The following KRTAP24-1 variants were observed in gnomAD, a reference collection of about 807,000 sequenced individuals.
KRTAP24-1 encodes keratin-associated protein 24-1.
For missense variants in KRTAP24-1, 344 were observed against 303.2 expected (o/e 1.13, Z -1.00); for synonymous variants, 133 against 116.3 (o/e 1.14, Z -0.92).
rs964990979 is a variant in KRTAP24-1 at position 30,282,052 on chromosome 21, A to G, written c.*116T>C. On this transcript the variant is annotated 3_prime_UTR_variant, in exon 1 of 1. Coordinates refer to ENST00000340345, the MANE Select transcript of KRTAP24-1 (RefSeq NM_001085455.3). ...AACCTGGGAGTTGTATTTGAACTTA[A>G]TGTAACAAGATTCTTAGGCTGAATA... is the stretch of plus-strand genomic sequence containing the variant. 3.4e-5 allele frequency: 36 copies of G among 1,065,132 alleles called. No individual in the cohort carries two copies. The highest frequency in any genetic ancestry group is 2.9e-4 in the Middle Eastern group (1 of 3,392). 66.0% of individuals were successfully genotyped at this position (1,065,132 alleles called of 1,614,324 possible). A position where few individuals can be genotyped will look rare whatever the true frequency, so the allele number is the denominator to read the frequency against.
rs1167096617 is a variant in KRTAP24-1, at chr21:30,282,051, A to G, written c.*117T>C. ...AAACCTGGGAGTTGTATTTGAACTT[A>G]ATGTAACAAGATTCTTAGGCTGAAT... On this transcript the variant is annotated 3_prime_UTR_variant, in exon 1 of 1. Transcript: ENST00000340345. The G allele has an allele frequency of 9.5e-7, 1 of 1,057,630 alleles. No homozygotes were observed. Among genetic ancestry groups the G allele is most frequent in the African/African-American group, 1.6e-5 (1 of 62,798 alleles). 65.5% of individuals were successfully genotyped at this position (1,057,630 alleles called of 1,614,324 possible).
Position 30,282,542 on chromosome 21 carries a change from A to T in KRTAP24-1, c.391T>A (p.Cys131Ser), listed in dbSNP as rs1302337464. Residue 131 changes from cysteine (C) to serine (S), a missense_variant, in exon 1 of 1, where the codon TGC becomes AGC. Coordinates refer to ENST00000340345, the MANE Select transcript of KRTAP24-1 (RefSeq NM_001085455.3). Reference sequence around the variant, plus strand: ...GATGCATTTCGAGTGGGTATGTGGCAATTGCATACATACCCATTGGTCTGG... The same window carrying T: ...GATGCATTTCGAGTGGGTATGTGGCTATTGCATACATACCCATTGGTCTGG... The part of the protein sequence containing the change: ...STQTNGYVCN[C>S]HIPTRNASKA... The T allele has an allele frequency of 5.0e-6, 8 of 1,609,574 alleles. No homozygotes were observed. Among genetic ancestry groups the T allele is most frequent in the Non-Finnish European group, 6.8e-6 (8 of 1,177,686 alleles).
Position 30,281,816 on chromosome 21 carries a change from G to C in KRTAP24-1, c.*352C>G, listed in dbSNP as rs2832752. ...GGCCCCATTTCATCAGGAAAGGTAG[G>C]TGATAATCACACTGTCAGACAAGTG... On this transcript the variant is annotated 3_prime_UTR_variant, in exon 1 of 1. Transcript: ENST00000340345. The C allele has an allele frequency of 0.097, 19,166 of 197,780 alleles. 1,420 individuals carry two copies. Among genetic ancestry groups the C allele is most frequent in the African/African-American group, 0.2 (8,513 of 42,764 alleles). The allele number at this position is 197,780 out of a possible 1,614,324, so 12.3% of individuals were successfully genotyped here.
Position 30,282,056 on chromosome 21 carries a change from A to T in KRTAP24-1, c.*112T>A, listed in dbSNP as rs1980717980. On this transcript the variant is annotated 3_prime_UTR_variant, in exon 1 of 1. Transcript: ENST00000340345. ...TGGGAGTTGTATTTGAACTTAATGTAACAAGATTCTTAGGCTGAATAAAGA... is the reference window on the plus strand; with the variant it reads ...TGGGAGTTGTATTTGAACTTAATGTTACAAGATTCTTAGGCTGAATAAAGA... 1 of 1,107,118 alleles carries T rather than the reference A, an allele frequency of 9.0e-7. No homozygotes were observed. 68.6% of individuals were successfully genotyped at this position (1,107,118 alleles called of 1,614,324 possible).
Position 30,282,351 on chromosome 21 carries a change from A to C in KRTAP24-1, c.582T>G (p.Ile194Met), listed in dbSNP as rs1339560895. ...IPSYVSPLCY[I>M]SNSCQPQSYL... ...AGCTTTGGGGTTGGCAGCTGTTGGA[A>C]ATATAACATAATGGTGAGACGTAGC... The change falls in exon 1 of 1, where the codon ATT (isoleucine) becomes ATG (methionine). Residue 194 changes from isoleucine to methionine, a missense_variant. Physicochemically the swap from Ile to Met is conservative, Grantham distance 10 (BLOSUM62 1). Coordinates refer to ENST00000340345, the MANE Select transcript of KRTAP24-1 (RefSeq NM_001085455.3). 6.2e-7 allele frequency: 1 copy of C among 1,614,150 alleles called. No individual in the cohort carries two copies. Among genetic ancestry groups the C allele is most frequent in the Admixed American group, 1.7e-5 (1 of 60,018 alleles).
In KRTAP24-1 at chr21:30,282,682, G is replaced by A; in HGVS notation, c.251C>T (p.Thr84Ile). The change falls in exon 1 of 1, where the codon ACT becomes ATT. Residue 84 changes from threonine (T) to isoleucine (I), a missense_variant. Coordinates refer to ENST00000340345, the MANE Select transcript of KRTAP24-1 (RefSeq NM_001085455.3). ...PSCEPKTCST[T>I]GCDPSNSSVP... ...AGAGGAGTTTGACGGGTCACAACCA[G>A]TGGTACTGCAGGTCTTGGGCTCACA... The A allele has an allele frequency of 6.2e-7, 1 of 1,610,854 alleles. No homozygotes were observed. The highest frequency in any genetic ancestry group is 8.5e-7 in the Non-Finnish European group (1 of 1,178,378).
chr21:30,282,384 G>A lies in KRTAP24-1; in HGVS notation c.549C>T (p.Phe183=). 6.2e-7 allele frequency: 1 copy of A among 1,614,156 alleles called. No individual in the cohort carries two copies. Among genetic ancestry groups the A allele is most frequent in the Non-Finnish European group, 8.5e-7 (1 of 1,180,016 alleles). ...ATAATGGTGAGACGTAGCTGGGTAT[G>A]AAGCAAGGATTTTGGTAGCTTTTAT... ...LGYKSYQNPC[F]IPSYVSPLCY... Residue 183 remains phenylalanine, a synonymous_variant, in exon 1 of 1, where the codon TTC becomes TTT. Transcript: ENST00000340345.
Position 30,282,043 on chromosome 21 carries a change from T to A in KRTAP24-1, c.*125A>T. ...TGGTTAATAAACCTGGGAGTTGTATTTGAACTTAATGTAACAAGATTCTTA... is the reference window on the plus strand; with the variant it reads ...TGGTTAATAAACCTGGGAGTTGTATATGAACTTAATGTAACAAGATTCTTA... On this transcript the variant is annotated 3_prime_UTR_variant, in exon 1 of 1. Coordinates refer to ENST00000340345, the MANE Select transcript of KRTAP24-1 (RefSeq NM_001085455.3). 9.9e-7 allele frequency: 1 copy of A among 1,006,794 alleles called. No homozygotes were observed. The highest frequency in any genetic ancestry group is 2.4e-5 in the East Asian group (1 of 41,468). The allele number at this position is 1,006,794 out of a possible 1,614,324, so 62.4% of individuals were successfully genotyped here.
chr21:30,282,723 G>A lies in KRTAP24-1; in HGVS notation c.210C>T (p.Thr70=), dbSNP rs1221168050. 6.2e-7 allele frequency: 1 copy of A among 1,613,918 alleles called. No individual in the cohort carries two copies. The highest frequency in any genetic ancestry group is 1.1e-5 in the South Asian group (1 of 91,062). Residue 70 remains threonine (T), a synonymous_variant, in exon 1 of 1, where the codon ACC becomes ACT. Coordinates refer to ENST00000340345, the MANE Select transcript of KRTAP24-1 (RefSeq NM_001085455.3). ...YCQESYGEAP[T]CKSPSCEPKT... is the part of the protein sequence containing the mutation. ...TGGGCTCACAGCTGGGAGATTTGCA[G>A]GTTGGTGCTTCACCGTAGGATTCTT...
At position 30,281,466 on chromosome 21, in the gene KRTAP24-1, A is replaced by G. The variant is rs1980698665; in HGVS notation, c.*702T>C. ...GTATTTGTTCTTCTTTCAACAAATA[A>G]TTTTCATGCTTTAGCTAATTCTGAG... On this transcript the variant is annotated 3_prime_UTR_variant, in exon 1 of 1. Coordinates refer to ENST00000340345, the MANE Select transcript of KRTAP24-1 (RefSeq NM_001085455.3). 1 of 152,162 alleles carries G rather than the reference A, an allele frequency of 6.6e-6. No homozygotes were observed. Among genetic ancestry groups the G allele is most frequent in the Non-Finnish European group, 1.5e-5 (1 of 68,026 alleles). The allele number at this position is 152,162 out of a possible 1,614,324, so 9.4% of individuals were successfully genotyped here.
chr21:30,282,619 C>G lies in KRTAP24-1; in HGVS notation c.314G>C (p.Ser105Thr), dbSNP rs766269700. ...GCTGACGTTGGTAGTTTCACAGACA[C>G]TGAAGACTTGGCCTGCTGATGGGGA... Reference protein sequence around the residue: ...CNSPSAGQVFSVCETTNVSPS... With the variant: ...CNSPSAGQVFTVCETTNVSPS... The change falls in exon 1 of 1, where the codon AGT becomes ACT. Residue 105 changes from serine (S) to threonine (T), a missense_variant. Ser to Thr is a moderately conservative substitution (Grantham distance 58). Transcript: ENST00000340345. 1 of 1,588,938 alleles carries G rather than the reference C, an allele frequency of 6.3e-7. No homozygotes were observed. Among genetic ancestry groups the G allele is most frequent in the Non-Finnish European group, 8.6e-7 (1 of 1,167,800 alleles).
At chr21:30,282,836 TA>T in the KRTAP24-1 span, 4,251 of 1,613,748 alleles carry the variant, frequency 2.6e-3, 20 homozygotes, top group Middle Eastern at 4.0e-3. Flanking sequence ...GAGCTAAGAG[TA>T]ACAGAAGAGG....
At position 30,282,398 on chromosome 21, in the gene KRTAP24-1, G is replaced by C. The variant is rs1017568295; in HGVS notation, c.535C>G (p.Gln179Glu). The C allele has an allele frequency of 2.5e-6, 4 of 1,614,092 alleles. No homozygotes were observed. The highest frequency in any genetic ancestry group is 3.4e-6 in the Non-Finnish European group (4 of 1,180,000). The change falls in exon 1 of 1, where the codon CAA (glutamine) becomes GAA (glutamate). Residue 179 changes from glutamine (Q) to glutamate (E), a missense_variant. Coordinates refer to ENST00000340345, the MANE Select transcript of KRTAP24-1 (RefSeq NM_001085455.3). ...RLSTLGYKSY[Q>E]NPCFIPSYVS... The stretch of plus-strand genomic sequence containing the variant: ...TAGCTGGGTATGAAGCAAGGATTTT[G>C]GTAGCTTTTATACCCCAAAGTACTC...
chr21:30,282,659 A>G lies in KRTAP24-1; in HGVS notation c.274T>C (p.Ser92Pro). Residue 92 changes from serine (S) to proline (P), a missense_variant, in exon 1 of 1, where the codon TCT (serine) becomes CCT (proline). Coordinates refer to ENST00000340345, the MANE Select transcript of KRTAP24-1 (RefSeq NM_001085455.3). ...STTGCDPSNS[S>P]VPCNSPSAGQ... Reference sequence around the variant, plus strand: ...GCTGATGGGGAGTTGCAGGGCACAGAGGAGTTTGACGGGTCACAACCAGTG... The same window carrying G: ...GCTGATGGGGAGTTGCAGGGCACAGGGGAGTTTGACGGGTCACAACCAGTG... 1 of 1,602,584 alleles carries G rather than the reference A, an allele frequency of 6.2e-7. No homozygotes were observed. The highest frequency in any genetic ancestry group is 8.5e-7 in the Non-Finnish European group (1 of 1,174,348).
Position 30,282,600 on chromosome 21 carries a change from G to A in KRTAP24-1, c.333C>T (p.Asn111=), listed in dbSNP as rs371561087. ...GQVFSVCETT[N]VSPSPSCSPS... is the part of the protein sequence containing the mutation. ...GGCTGCAGCTGGGGCTGGGGCTGACGTTGGTAGTTTCACAGACACTGAAGA... is the reference window on the plus strand; with the variant it reads ...GGCTGCAGCTGGGGCTGGGGCTGACATTGGTAGTTTCACAGACACTGAAGA... The change falls in exon 1 of 1, where the codon AAC becomes AAT. Residue 111 remains asparagine, a synonymous_variant. Coordinates refer to ENST00000340345, the MANE Select transcript of KRTAP24-1 (RefSeq NM_001085455.3). The A allele has an allele frequency of 1.8e-5, 29 of 1,589,002 alleles. No homozygotes were observed. Among genetic ancestry groups the A allele is most frequent in the Admixed American group, 6.9e-5 (4 of 58,176 alleles).
rs552401048 is a variant in KRTAP24-1 at position 30,281,377 on chromosome 21, G to A, written c.*791C>T. On this transcript the variant is annotated 3_prime_UTR_variant, in exon 1 of 1. Transcript: ENST00000340345. ...TCCAGAGTCAGAATGCAATAAATTG[G>A]CAAGGCAAGATGATAGGAGAATCCT... 1.3e-5 allele frequency: 2 copies of A among 152,160 alleles called. No homozygotes were observed. Among genetic ancestry groups the A allele is most frequent in the African/African-American group, 4.8e-5 (2 of 41,420 alleles). 9.4% of individuals were successfully genotyped at this position (152,160 alleles called of 1,614,324 possible).
At position 30,282,902 on chromosome 21, in the gene KRTAP24-1, A is replaced by G. The variant is rs1980763601; in HGVS notation, c.31T>C (p.Tyr11His). 6.2e-7 allele frequency: 1 copy of G among 1,612,536 alleles called. No individual in the cohort carries two copies. The highest frequency in any genetic ancestry group is 1.3e-5 in the African/African-American group (1 of 74,886). ...GATGTGGTACTGCAGACCCCAGGATAGCCTGTAGTAGACATGGAGCCTGCA... is the reference window on the plus strand; with the variant it reads ...GATGTGGTACTGCAGACCCCAGGATGGCCTGTAGTAGACATGGAGCCTGCA... MPAGSMSTTG[Y>H]PGVCSTTSYR... Residue 11 changes from tyrosine (Y) to histidine (H), a missense_variant, in exon 1 of 1, where the codon TAT becomes CAT. By Grantham distance (83) the Tyr-to-His change is moderately conservative. Coordinates refer to ENST00000340345, the MANE Select transcript of KRTAP24-1 (RefSeq NM_001085455.3).
In KRTAP24-1 at chr21:30,282,599, C is replaced by T. The variant is rs200201581; in HGVS notation, c.334G>A (p.Val112Ile). Residue 112 changes from valine (V) to isoleucine (I), a missense_variant, in exon 1 of 1, where the codon GTC becomes ATC. Transcript: ENST00000340345. ...GGGCTGCAGCTGGGGCTGGGGCTGA[C>T]GTTGGTAGTTTCACAGACACTGAAG... Reference protein sequence around the residue: ...QVFSVCETTNVSPSPSCSPST... With the variant: ...QVFSVCETTNISPSPSCSPST... 1.3e-4 allele frequency: 213 copies of T among 1,588,650 alleles called. 1 individual carries two copies. Among genetic ancestry groups the T allele is most frequent in the South Asian group, 1.3e-3 (111 of 85,376 alleles).
At chr21:30,282,355 TA>T in the KRTAP24-1 span, 2 of 1,614,150 alleles carry the variant, frequency 1.2e-6, no homozygotes, top group Non-Finnish European at 1.7e-6. Context: ...GTTGGAAATA[TA>T]ACATAATGGT....
Sources: allele counts gnomAD v4.1 joint callset, GRCh38; gene constraint gnomAD v4.1.1; transcripts MANE v1.5; gene names NCBI Gene and HGNC (gene_info 2026-07-23, HGNC 2026-07-21).